Variants in GNA14 observed in about 807,000 individuals in gnomAD.
GNA14 encodes the protein guanine nucleotide-binding protein subunit alpha-14.
A neutral mutation model predicts 42.0 loss-of-function variants in GNA14; 50 were observed. The ratio of observed to expected loss-of-function variants is 1.19; its 90% CI spans 0.95 to 1.51. GNA14 has a LOEUF of 1.51. Among genes scored for constraint, GNA14 ranks in the 40% most tolerant of loss-of-function variants. GNA14 has a pLI of 0.00. For synonymous variants in GNA14, 173 were observed against 163.1 expected, an observed-to-expected ratio of 1.06 and a Z score of -0.46; for missense variants, 473 against 446.2, an observed-to-expected ratio of 1.06 and a Z score of -0.54.
chr9:77,464,367 G>GTGTATA (rs1195885705), intron 2 of GNA14, among the ~76,000 whole-genome samples: 1 of 150,394 alleles, frequency 6.6e-6, no homozygotes, highest in African/African-American at 2.5e-5. Context: ...GTGTGTGTGT[G>GTGTATA]TGTGTGTGTG....
chr9:77,528,979 T>C (rs1837484485), intron 2 of GNA14, 90 bp downstream of exon 2: 1 of 1,116,560 alleles, frequency 9.0e-7, no homozygotes, highest in South Asian at 1.3e-5. Context: ...TCTTCTGGCA[T>C]CTGACCAAAG....
chr9:77,595,941 C>T (rs1823460179), intron 1 of GNA14, among the ~76,000 whole-genome samples: 1 of 152,000 alleles, frequency 6.6e-6, no homozygotes, highest in Admixed American at 6.6e-5. Context: ...CACAGGGCTA[C>T]ATTTGTCTCC....
At chr9:77,473,745 C>G (rs577638013) in intron 2 of GNA14, among the ~76,000 whole-genome samples, 1 of 151,596 alleles carries the variant, frequency 6.6e-6, no homozygotes, top group Non-Finnish European at 1.5e-5. Context: ...GGGAGACTCA[C>G]GCTCCCTGAT....
intron 1 of GNA14, among the ~76,000 whole-genome samples, chr9:77,633,026 AT>A (rs1824123514): frequency 6.6e-6 from 1 of 152,192 alleles, no homozygotes; most frequent in Non-Finnish European, 1.5e-5. Flanking sequence ...GTATTTCTCC[AT>A]TTAGCAAATG....
intron 1 of GNA14, among the ~76,000 whole-genome samples, chr9:77,608,114 C>T (rs1009384602): frequency 1.5e-4 from 23 of 152,170 alleles, no homozygotes; most frequent in Admixed American, 6.5e-5. Context: ...ATGCTGCTAC[C>T]TTAATGGGGA....
At chr9:77,523,423 G>A (rs546748900) in intron 2 of GNA14, among the ~76,000 whole-genome samples, 36 of 152,088 alleles carry the variant, frequency 2.4e-4, no homozygotes, top group African/African-American at 8.7e-4. Flanking sequence ...CAGAATTCAC[G>A]AGAACTCACT....
rs191974875 is a variant in GNA14, at chr9:77,475,304, G to A, written c.310-40782C>T. ...TCACCTACGCCCACAGTCAGGCTGT[G>A]GGTATATAATGACAAGCAGAAATAG... On this transcript the variant is annotated intron_variant, in intron 2 of 6. Transcript: ENST00000341700. 3.6e-4 allele frequency among the ~76,000 whole-genome samples: 55 copies of A among 152,212 alleles called. No homozygotes were observed. The East Asian group carries it at 0.01, about 28-fold the overall frequency.
chr9:77,546,916 T>C (rs1837725987), intron 1 of GNA14, among the ~76,000 whole-genome samples: 1 of 152,198 alleles, frequency 6.6e-6, no homozygotes, highest in Non-Finnish European at 1.5e-5. Context: ...TTATAACCAC[T>C]GTCCTGAGGT....
chr9:77,611,382 G>T (rs1046097438), intron 1 of GNA14, among the ~76,000 whole-genome samples: 2 of 152,200 alleles, frequency 1.3e-5, no homozygotes, highest in African/African-American at 4.8e-5. Flanking sequence ...TGTTACAGGA[G>T]GGGAACTCTG....
At chr9:77,639,634 G>A (rs886456660) in intron 1 of GNA14, among the ~76,000 whole-genome samples, 6 of 152,226 alleles carry the variant, frequency 3.9e-5, no homozygotes, top group Non-Finnish European at 8.8e-5. Context: ...AGCAGCAGCA[G>A]CAGCGACTGG....
At chr9:77,494,373 G>C (rs778420649) in intron 2 of GNA14, among the ~76,000 whole-genome samples, 11 of 152,148 alleles carry the variant, frequency 7.2e-5, no homozygotes, top group Non-Finnish European at 1.2e-4. Flanking sequence ...GGTTATTAGA[G>C]GGTTTTGAAA....
At chr9:77,588,903 G>C (rs1447390112) in intron 1 of GNA14, among the ~76,000 whole-genome samples, 1 of 152,166 alleles carries the variant, frequency 6.6e-6, no homozygotes, top group African/African-American at 2.4e-5. Context: ...ACCTGCTTTT[G>C]CCACTGTCTA....
chr9:77,555,859 T>A (rs1317689242), intron 1 of GNA14, among the ~76,000 whole-genome samples: 1 of 152,212 alleles, frequency 6.6e-6, no homozygotes, highest in Non-Finnish European at 1.5e-5. Context: ...CATAGATGGA[T>A]CTTAGAAAGC....
intron 1 of GNA14, among the ~76,000 whole-genome samples, chr9:77,545,476 C>T (rs749793984): frequency 1.3e-5 from 2 of 151,952 alleles, no homozygotes; most frequent in African/African-American, 4.8e-5. Context: ...TTTAGCCCAC[C>T]ACTGTGAAAG....
Position 77,647,785 on chromosome 9 carries a change from G to A in GNA14, c.9C>T (p.Gly3=), listed in dbSNP as rs746573983. MA[G]CCCLSAEEKE... The stretch of plus-strand genomic sequence containing the variant: ...TCTCCTCCGCGGACAGGCAGCAGCA[G>A]CCGGCCATGGTGCGCTCAGCTCAGT... The change falls in exon 1 of 7, where the codon GGC becomes GGT. Residue 3 remains glycine (G), a synonymous_variant. Coordinates refer to ENST00000341700, the MANE Select transcript of GNA14 (RefSeq NM_004297.4). 6.2e-7 allele frequency: 1 copy of A among 1,608,542 alleles called. No homozygotes were observed. Among genetic ancestry groups the A allele is most frequent in the East Asian group, 2.2e-5 (1 of 44,768 alleles).
intron 1 of GNA14, among the ~76,000 whole-genome samples, chr9:77,633,581 G>A (rs1824131935): frequency 6.6e-6 from 1 of 152,122 alleles, no homozygotes; most frequent in African/African-American, 2.4e-5. Flanking sequence ...AGAGTGAATA[G>A]TGAATTTGGG....
At chr9:77,586,823 C>T (rs542597891) in intron 1 of GNA14, among the ~76,000 whole-genome samples, 1 of 152,282 alleles carries the variant, frequency 6.6e-6, no homozygotes, top group African/African-American at 2.4e-5. Flanking sequence ...CTTTACGGTA[C>T]CCGTAGTTGA....
intron 1 of GNA14, among the ~76,000 whole-genome samples, chr9:77,532,953 A>G (rs556961624): frequency 6.6e-6 from 1 of 152,248 alleles, no homozygotes; most frequent in East Asian, 1.9e-4. Flanking sequence ...ATTCACTTAG[A>G]TGTAATGAGG....
At chr9:77,527,540 T>A (rs886333967) in intron 2 of GNA14, among the ~76,000 whole-genome samples, 4 of 152,234 alleles carry the variant, frequency 2.6e-5, no homozygotes, top group Non-Finnish European at 4.4e-5. Context: ...GTGTGTTTAA[T>A]GTGTGGCTCA....
Sources: allele counts gnomAD v4.1 joint callset (sites outside exome capture counted in the v4.1 genomes callset), GRCh38; gene constraint gnomAD v4.1.1; transcripts MANE v1.5; gene names NCBI Gene and HGNC (gene_info 2026-07-23, HGNC 2026-07-21).